The following ZNF407 variants were observed in gnomAD, a reference collection of about 807,000 sequenced individuals.
The protein encoded by ZNF407 is zinc finger protein 407.
A neutral mutation model predicts 131.2 loss-of-function variants in ZNF407; 17 were observed. The observed-to-expected ratio is 0.13, with a 90% CI of 0.09 to 0.19. The LOEUF (loss-of-function observed/expected upper bound fraction) is 0.19. Ranked by LOEUF, ZNF407 falls within the 10% of genes least tolerant of loss-of-function variation. ZNF407 has a pLI of 1.00. For synonymous variants in ZNF407, 1,156 were observed against 1,062.0 expected (o/e 1.09, Z -1.72); for missense variants, 2,681 against 2,830.6 (o/e 0.95, Z 1.20).
At chr18:74,944,097 T>C (rs976880833) in intron 8 of ZNF407, among the ~76,000 whole-genome samples, 1 of 152,144 alleles carries the variant, frequency 6.6e-6, no homozygotes, top group South Asian at 2.1e-4. Context: ...TGTAGAAATG[T>C]GTTTAGTGTT....
intron 3 of ZNF407, among the ~76,000 whole-genome samples, chr18:74,708,763 C>T (rs912800891): frequency 2.2e-4 from 33 of 152,182 alleles, no homozygotes; most frequent in Admixed American, 1.2e-3. Flanking sequence ...ACCCCGCACG[C>T]GGCTTGATTG....
intron 8 of ZNF407, among the ~76,000 whole-genome samples, chr18:74,974,027 C>T (rs531239067): frequency 4.3e-4 from 65 of 152,254 alleles, no homozygotes; most frequent in African/African-American, 1.3e-3. Context: ...TTGAGGGACA[C>T]AATCAACCCA....
At chr18:75,060,479 G>A (rs886740951) in intron 8 of ZNF407, among the ~76,000 whole-genome samples, 4 of 151,424 alleles carry the variant, frequency 2.6e-5, no homozygotes, top group African/African-American at 9.7e-5. Flanking sequence ...GGCTGGCCCT[G>A]CAGCTCTTTT....
chr18:74,648,891 C>T (rs971014200), intron 3 of ZNF407, among the ~76,000 whole-genome samples: 8 of 152,178 alleles, frequency 5.3e-5, no homozygotes, highest in Non-Finnish European at 1.0e-4. Context: ...TACTTACTTT[C>T]CTACATCTTA....
intron 7 of ZNF407, among the ~76,000 whole-genome samples, chr18:74,896,318 A>G (rs777175865): frequency 3.3e-4 from 50 of 152,200 alleles, no homozygotes; most frequent in Non-Finnish European, 4.7e-4. Flanking sequence ...ATTTACCTCA[A>G]GTCTATATGT....
chr18:74,916,552 AGT>A (rs372779801), intron 7 of ZNF407, among the ~76,000 whole-genome samples: 3,302 of 55,242 alleles, frequency 0.06, 36 homozygotes, highest in East Asian at 0.14. Context: ...TCGAATCGGG[AGT>A]GTGTGTGTGT....
chr18:74,673,230 C>G (rs759237755), intron 3 of ZNF407, among the ~76,000 whole-genome samples: 9 of 152,144 alleles, frequency 5.9e-5, no homozygotes, highest in Non-Finnish European at 1.2e-4. Flanking sequence ...TTAAACAACA[C>G]AAGTTTATTA....
At chr18:74,680,584 G>A (rs72969638) in intron 3 of ZNF407, among the ~76,000 whole-genome samples, 18,683 of 151,988 alleles carry the variant, frequency 0.12, 1,275 homozygotes, top group African/African-American at 0.17. Context: ...TACAACTCCC[G>A]CCCCTCTGTT....
chr18:74,873,761 C>T (rs1034159684), intron 4 of ZNF407, among the ~76,000 whole-genome samples: 2 of 151,870 alleles, frequency 1.3e-5, no homozygotes, highest in African/African-American at 2.4e-5. Flanking sequence ...AAGACTAACT[C>T]GTAATTGACT....
chr18:74,758,451 A>AC (rs1477591131), intron 3 of ZNF407, among the ~76,000 whole-genome samples: 6 of 151,322 alleles, frequency 4.0e-5, no homozygotes, highest in Admixed American at 3.3e-4. Flanking sequence ...TTATTTCCTC[A>AC]CCCCCTACTT....
intron 1 of ZNF407, among the ~76,000 whole-genome samples, chr18:74,629,873 T>C (rs999259296): frequency 1.3e-5 from 2 of 152,188 alleles, no homozygotes; most frequent in Non-Finnish European, 2.9e-5. Flanking sequence ...TCAATATTAT[T>C]GATTTCAAGG....
At chr18:74,598,352 C>T (rs1358785721) in intron 1 of ZNF407, 1 of 152,362 alleles carries the variant, frequency 6.6e-6, no homozygotes, top group Non-Finnish European at 1.5e-5. Context: ...GCCGGGTTCG[C>T]CTGTCCGCGC....
chr18:74,753,002 C>T (rs1467772408), intron 3 of ZNF407, among the ~76,000 whole-genome samples: 1 of 152,120 alleles, frequency 6.6e-6, no homozygotes, highest in Non-Finnish European at 1.5e-5. Context: ...TCTTCCTATC[C>T]ATGAGCATGG....
rs1599026031 is a variant in ZNF407 at position 74,631,567 on chromosome 18, A to G, written c.548A>G (p.Asp183Gly). The change falls in exon 2 of 9, where the codon GAT (aspartate) becomes GGT (glycine). Residue 183 changes from aspartate (D) to glycine (G), a missense_variant. Physicochemically the swap from Asp to Gly is moderately conservative, Grantham distance 94. Around this residue, in one of 6 missense-constraint regions of ZNF407, gnomAD observed 1,789 missense variants for 1,748.7 expected, o/e 1.02. Coordinates refer to ENST00000299687, the MANE Select transcript of ZNF407 (RefSeq NM_017757.3). ...ISVSCTIGNV[D>G]TVLKCSICGH... ...GTTAGTTGTACCATTGGGAATGTAG[A>G]TACAGTTCTCAAATGCAGCATCTGT... The G allele has an allele frequency of 8.7e-6, 14 of 1,613,744 alleles. No individual in the cohort carries two copies. Among genetic ancestry groups the G allele is most frequent in the Non-Finnish European group, 1.2e-5 (14 of 1,179,886 alleles).
At chr18:75,056,682 G>A (rs1382275380) in intron 8 of ZNF407, among the ~76,000 whole-genome samples, 1 of 152,208 alleles carries the variant, frequency 6.6e-6, no homozygotes, top group African/African-American at 2.4e-5. Flanking sequence ...TAATGCCAGG[G>A]AATTATTATT....
intron 3 of ZNF407, among the ~76,000 whole-genome samples, chr18:74,768,489 C>T (rs753717536): frequency 6.6e-6 from 1 of 152,128 alleles, no homozygotes; most frequent in Non-Finnish European, 1.5e-5. Context: ...GACAGGAACA[C>T]CCTCATGTGT....
At chr18:74,983,385 T>G (rs1175537853) in intron 8 of ZNF407, among the ~76,000 whole-genome samples, 1 of 152,220 alleles carries the variant, frequency 6.6e-6, no homozygotes, top group Non-Finnish European at 1.5e-5. Flanking sequence ...CCTAAAGAAG[T>G]GTTCACTTTG....
chr18:74,890,547 C>T (rs1426614725), intron 7 of ZNF407, among the ~76,000 whole-genome samples: 7 of 152,148 alleles, frequency 4.6e-5, no homozygotes, highest in Non-Finnish European at 8.8e-5. Context: ...CTTACAACTG[C>T]TTTTCCAGTG....
chr18:74,731,896 G>A (rs1968302427), intron 3 of ZNF407, among the ~76,000 whole-genome samples: 1 of 151,988 alleles, frequency 6.6e-6, no homozygotes, highest in South Asian at 2.1e-4. Context: ...CTGGTGATCT[G>A]GAGATCACCG....
Sources: allele counts gnomAD v4.1 joint callset (sites outside exome capture counted in the v4.1 genomes callset), GRCh38; gene constraint gnomAD v4.1.1; regional missense constraint gnomAD v4.1.1; transcripts MANE v1.5; gene names NCBI Gene and HGNC (gene_info 2026-07-23, HGNC 2026-07-21).